Variants in GIT1 observed in about 807,000 individuals in gnomAD.
GIT1 encodes ARF GTPase-activating protein GIT1.
GIT1 carries 14 observed loss-of-function variants against 91.7 expected under a neutral mutation model. The observed-to-expected ratio is 0.15, with a 90% CI of 0.10 to 0.24. The LOEUF (loss-of-function observed/expected upper bound fraction) is 0.24, where lower values mean the gene tolerates loss of function less well. Among genes scored for constraint, GIT1 ranks in the 10% least tolerant of loss-of-function variants. The pLI, the probability that GIT1 is intolerant of heterozygous loss-of-function variation, is 1.00. For synonymous variants in GIT1, 414 were observed against 418.2 expected, an observed-to-expected ratio of 0.99 and a Z score of 0.12; for missense variants, 717 against 1,024.9, an observed-to-expected ratio of 0.70 and a Z score of 4.10.
Position 29,574,373 on chromosome 17 carries a change from T to A in GIT1, c.*329A>T. ...ACGGAGAGCTGCCCCACTTGGAGTG[T>A]CCCCACCTGCCCCTTTGCTGAGGGT... On this transcript the variant is annotated 3_prime_UTR_variant, in exon 20 of 20. Transcript: ENST00000225394. 2.7e-6 allele frequency: 1 copy of A among 369,352 alleles called. No homozygotes were observed. The highest frequency in any genetic ancestry group is 6.1e-5 in the East Asian group (1 of 16,402). The allele number at this position is 369,352 out of a possible 1,614,324, so 22.9% of individuals were successfully genotyped here. A position where few individuals can be genotyped will look rare whatever the true frequency, so the allele number is the denominator to read the frequency against.
rs986448584 is a variant in GIT1, at chr17:29,589,334, G to A, written c.45C>T (p.Ser15=). Residue 15 remains serine, a synonymous_variant, in exon 1 of 20, where the codon AGC becomes AGT. Coordinates refer to ENST00000225394, the MANE Select transcript of GIT1 (RefSeq NM_014030.4). This position sits in a 1 kb window ranked among gnomAD's most constrained non-coding sequence, Gnocchi z 5.2. ...CGGCCCCGCCGCGCTTACCCGGGGC[G>A]CTGCAGTCCGCACACACCTCCGCTC... The part of the protein sequence containing the change: ...GPRAEVCADC[S]APDPGWASIS... 8.4e-5 allele frequency: 89 copies of A among 1,064,284 alleles called. No homozygotes were observed. Among genetic ancestry groups the A allele is most frequent in the Non-Finnish European group, 9.4e-5 (82 of 875,350 alleles). The allele number at this position is 1,064,284 out of a possible 1,614,324, so 65.9% of individuals were successfully genotyped here. A position where few individuals can be genotyped will look rare whatever the true frequency, so the allele number is the denominator to read the frequency against.
intron 10 of GIT1, 91 bp downstream of exon 10, chr17:29,577,554 A>C (rs1415507403): frequency 3.5e-6 from 3 of 863,704 alleles, no homozygotes; most frequent in African/African-American, 3.3e-5. Context: ...CAAATGCTGG[A>C]GAGCTGGCTC....
chr17:29,577,120 C>T lies in GIT1; in HGVS notation c.1093+16G>A. 1 of 1,611,652 alleles carries T rather than the reference C, an allele frequency of 6.2e-7. No individual in the cohort carries two copies. Among genetic ancestry groups the T allele is most frequent in the Non-Finnish European group, 8.5e-7 (1 of 1,178,202 alleles). ...GCCCCGCCTGCTTCCCACACCCTCC[C>T]ACACAACCCTCCCACCTGTGGGGCT... On this transcript the variant is annotated intron_variant, in intron 11 of 19. Transcript: ENST00000225394.
At chr17:29,579,926 C>T (rs917738732) in intron 7 of GIT1, among the ~76,000 whole-genome samples, 1 of 152,182 alleles carries the variant, frequency 6.6e-6, no homozygotes, top group East Asian at 1.9e-4. Flanking sequence ...GGGATGGTCA[C>T]TGCTCCTGCT....
intron 7 of GIT1, among the ~76,000 whole-genome samples, chr17:29,580,492 G>A (rs2150840891): frequency 6.6e-6 from 1 of 152,340 alleles, no homozygotes; most frequent in Non-Finnish European, 1.5e-5. Context: ...TGGCCACCAG[G>A]TGGCACCAGC....
Position 29,581,454 on chromosome 17 carries a change from C to T in GIT1, c.719-74G>A, listed in dbSNP as rs8069559. ...CAGCAGCTGGGAGCCCACCTCACTG[C>T]CATGAGCAGGGCTGGCACCCAGAAG... On this transcript the variant is annotated intron_variant, in intron 6 of 19. Transcript: ENST00000225394. This position sits in a 1 kb window ranked among gnomAD's most constrained non-coding sequence, Gnocchi z 4.8. 3,498 of 1,172,858 alleles carry T rather than the reference C, an allele frequency of 3.0e-3. 56 individuals carry two copies. In the African/African-American group the frequency reaches 0.031, roughly 10 times the overall value. 72.7% of individuals were successfully genotyped at this position (1,172,858 alleles called of 1,614,324 possible).
intron 9 of GIT1, 116 bp from the exon 10 acceptor site, chr17:29,577,858 TC>T (rs2033268408): frequency 1.4e-6 from 1 of 703,376 alleles, no homozygotes; most frequent in African/African-American, 1.7e-5. Context: ...GCACTGGTGT[TC>T]AGAACAGGGG....
intron 19 of GIT1, 74 bp from the exon 20 acceptor site, chr17:29,574,988 G>C (rs1222948699): frequency 2.7e-6 from 4 of 1,483,776 alleles, no homozygotes; most frequent in African/African-American, 2.8e-5. Context: ...GTTTGTCTGT[G>C]TCTCCACCCA....
At chr17:29,577,526 C>T (rs1003062186) in intron 10 of GIT1, 119 bp downstream of exon 10, 4 of 764,970 alleles carry the variant, frequency 5.2e-6, no homozygotes, top group African/African-American at 5.1e-5. Context: ...GCCAGCTGTG[C>T]CCTGAGGGAG....
chr17:29,575,030 C>A lies in GIT1; in HGVS notation c.2073+49G>T. The A allele has an allele frequency of 1.3e-6, 2 of 1,500,706 alleles. No homozygotes were observed. Among genetic ancestry groups the A allele is most frequent in the Admixed American group, 1.9e-5 (1 of 53,528 alleles). 93.0% of individuals were successfully genotyped at this position (1,500,706 alleles called of 1,614,324 possible). ...GATCAGATGGGATTCTCCACGCCTG[C>A]CCCAGCTCGAGGCCCTCCCACTCCT... On this transcript the variant is annotated intron_variant, in intron 19 of 19. Coordinates refer to ENST00000225394, the MANE Select transcript of GIT1 (RefSeq NM_014030.4). This position sits in a 1 kb window ranked among gnomAD's most constrained non-coding sequence, Gnocchi z 5.5.
chr17:29,581,774 C>T lies in GIT1; in HGVS notation c.686G>A (p.Arg229Gln), dbSNP rs1000500862. The stretch of plus-strand genomic sequence containing the variant: ...GCGTCCACAGAGGTAGAAGGCCAGC[C>T]GGTCAGTGAGCTCATATTGGCACTC... ...LVECQYELTD[R>Q]LAFYLCGRKP... Residue 229 changes from arginine to glutamine, a missense_variant, in exon 6 of 20, where the codon CGG (arginine) becomes CAG (glutamine). Around this residue, in one of 3 missense-constraint regions of GIT1, gnomAD observed 271 missense variants for 451.6 expected, o/e 0.60. Coordinates refer to ENST00000225394, the MANE Select transcript of GIT1 (RefSeq NM_014030.4). This position sits in a 1 kb window ranked among gnomAD's most constrained non-coding sequence, Gnocchi z 4.8. 30 of 1,611,918 alleles carry T rather than the reference C, an allele frequency of 1.9e-5. No homozygotes were observed. The highest frequency in any genetic ancestry group is 6.7e-5 in the African/African-American group (5 of 74,920).
At position 29,577,008 on chromosome 17, in the gene GIT1, G is replaced by C. The variant is rs1459520422; in HGVS notation, c.1094-12C>G. Reference sequence around the variant, plus strand: ...CAGCTCGAGGTTGTCTGAGGACACAGGAGTGTCACTCAGGCCACACTCCAC... The same window carrying C: ...CAGCTCGAGGTTGTCTGAGGACACACGAGTGTCACTCAGGCCACACTCCAC... On this transcript the variant is annotated splice_polypyrimidine_tract_variant and intron_variant, in intron 11 of 19. Transcript: ENST00000225394. 1.9e-6 allele frequency: 3 copies of C among 1,604,074 alleles called. No homozygotes were observed. Among genetic ancestry groups the C allele is most frequent in the Non-Finnish European group, 2.5e-6 (3 of 1,179,816 alleles).
At position 29,577,263 on chromosome 17, in the gene GIT1, G is replaced by A. The variant is rs1277031652; in HGVS notation, c.982-16C>T. The A allele has an allele frequency of 6.2e-7, 1 of 1,607,452 alleles. No individual in the cohort carries two copies. Among genetic ancestry groups the A allele is most frequent in the African/African-American group, 1.3e-5 (1 of 74,796 alleles). Reference sequence around the variant, plus strand: ...TTTGTCGCCCCTGCAAGGCAGAAAGGGCCAGGCTGGCTTCAGGGGACCCCT... The same window carrying A: ...TTTGTCGCCCCTGCAAGGCAGAAAGAGCCAGGCTGGCTTCAGGGGACCCCT... On this transcript the variant is annotated splice_polypyrimidine_tract_variant and intron_variant, in intron 10 of 19. Coordinates refer to ENST00000225394, the MANE Select transcript of GIT1 (RefSeq NM_014030.4).
chr17:29,577,463 G>A (rs1460761304), intron 10 of GIT1, among the ~76,000 whole-genome samples, 182 bp downstream of exon 10: 1 of 152,210 alleles, frequency 6.6e-6, no homozygotes, highest in Non-Finnish European at 1.5e-5. Flanking sequence ...ACCCACCGGA[G>A]CTGCTCCCCA....
Position 29,575,397 on chromosome 17 carries a change from C to T in GIT1, c.1900G>A (p.Asp634Asn). The change falls in exon 18 of 20, where the codon GAC becomes AAC. Residue 634 changes from aspartate (D) to asparagine (N), a missense_variant. By Grantham distance (23) the Asp-to-Asn change is conservative. This residue lies in a region of GIT1 where 134 missense variants were observed against 223.8 expected (regional missense o/e 0.60). Transcript: ENST00000225394. The surrounding 1 kb of genome is among the most constrained non-coding windows in gnomAD (Gnocchi z 5.5). Reference sequence around the variant, plus strand: ...GTGCTGGGAAGCCCAGGATCTAGGTCTCCATCCAGGCTTTCCAGCTCTGGG... The same window carrying T: ...GTGCTGGGAAGCCCAGGATCTAGGTTTCCATCCAGGCTTTCCAGCTCTGGG... ...FHPELESLDGDLDPGLPSTED... is the reference protein window; with the variant it reads ...FHPELESLDGNLDPGLPSTED... The T allele has an allele frequency of 9.9e-6, 16 of 1,613,580 alleles. No individual in the cohort carries two copies. The highest frequency in any genetic ancestry group is 1.2e-5 in the Non-Finnish European group (14 of 1,179,674).
chr17:29,578,597 C>T, intron 8 of GIT1, 134 bp downstream of exon 8: 1 of 904,460 alleles, frequency 1.1e-6, no homozygotes, highest in Non-Finnish European at 1.9e-6. Flanking sequence ...GAGGGGACTG[C>T]TGAGGCCAGT....
Position 29,574,620 on chromosome 17 carries a change from G to A in GIT1, c.*82C>T, listed in dbSNP as rs774733467. The A allele has an allele frequency of 8.7e-7, 1 of 1,152,640 alleles. No homozygotes were observed. The highest frequency in any genetic ancestry group is 1.7e-5 in the Admixed American group (1 of 58,460). The allele number at this position is 1,152,640 out of a possible 1,614,324, so 71.4% of individuals were successfully genotyped here. A position where few individuals can be genotyped will look rare whatever the true frequency, so the allele number is the denominator to read the frequency against. On this transcript the variant is annotated 3_prime_UTR_variant, in exon 20 of 20. Coordinates refer to ENST00000225394, the MANE Select transcript of GIT1 (RefSeq NM_014030.4). ...GGCACTTGTGCCAGTGGCTCTGTTGGGGTGGGGATTAATGTCTGGAGTGGC... is the reference window on the plus strand; with the variant it reads ...GGCACTTGTGCCAGTGGCTCTGTTGAGGTGGGGATTAATGTCTGGAGTGGC...
chr17:29,581,420 G>A lies in GIT1; in HGVS notation c.719-40C>T, dbSNP rs547431824. ...AAATGCCAAGTCACTCACTAGTGCT[G>A]GGTGGCCTCAGCAGCTGGGAGCCCA... On this transcript the variant is annotated intron_variant, in intron 6 of 19. Transcript: ENST00000225394. The surrounding 1 kb of genome is among the most constrained non-coding windows in gnomAD (Gnocchi z 4.8). 1 of 1,543,086 alleles carries A rather than the reference G, an allele frequency of 6.5e-7. No individual in the cohort carries two copies. The highest frequency in any genetic ancestry group is 1.4e-5 in the African/African-American group (1 of 73,594).
intron 1 of GIT1, among the ~76,000 whole-genome samples, chr17:29,584,744 C>T (rs1598578477): frequency 6.6e-6 from 1 of 152,294 alleles, no homozygotes; most frequent in East Asian, 1.9e-4. Context: ...GAAGTATCCC[C>T]ATCAGGGGAG....
Sources: allele counts gnomAD v4.1 joint callset (sites outside exome capture counted in the v4.1 genomes callset), GRCh38; gene constraint gnomAD v4.1.1; regional missense constraint gnomAD v4.1.1; non-coding constraint Gnocchi (gnomAD v3.1); transcripts MANE v1.5; gene names NCBI Gene and HGNC (gene_info 2026-07-23, HGNC 2026-07-21).